Variants in DTNB observed in about 807,000 individuals in gnomAD.
The protein encoded by DTNB is dystrobrevin beta.
DTNB carries 63 observed loss-of-function variants against 90.7 expected under a neutral mutation model. The ratio of observed to expected loss-of-function variants is 0.69; its 90% CI spans 0.57 to 0.86. The LOEUF (loss-of-function observed/expected upper bound fraction) is 0.86, where lower values mean the gene tolerates loss of function less well. DTNB is among the 40% of genes least tolerant of loss of function. The pLI, the probability that DTNB is intolerant of heterozygous loss-of-function variation, is 0.00. For synonymous variants in DTNB, 277 were observed against 286.7 expected (o/e 0.97, Z 0.34); for missense variants, 744 against 807.1 (o/e 0.92, Z 0.95).
intron 14 of DTNB, among the ~76,000 whole-genome samples, 164 bp downstream of exon 14, chr2:25,432,722 C>G (rs964540117): frequency 6.6e-6 from 1 of 152,104 alleles, no homozygotes; most frequent in East Asian, 1.9e-4. Flanking sequence ...CTAATGGAAC[C>G]CAGACATCTG....
chr2:25,597,406 T>C (rs913421444), intron 5 of DTNB, among the ~76,000 whole-genome samples: 5 of 152,138 alleles, frequency 3.3e-5, no homozygotes, highest in African/African-American at 1.2e-4. Context: ...TAGAGATCTA[T>C]ACCTATTTAA....
At chr2:25,591,168 C>T (rs1046448766) in intron 6 of DTNB, among the ~76,000 whole-genome samples, 13 of 152,222 alleles carry the variant, frequency 8.5e-5, no homozygotes, top group African/African-American at 1.4e-4. Context: ...TGCCAGGCAG[C>T]GGGAGCAGAC....
intron 8 of DTNB, among the ~76,000 whole-genome samples, chr2:25,562,403 T>A (rs2058400714): frequency 6.6e-6 from 1 of 152,246 alleles, no homozygotes; most frequent in South Asian, 2.1e-4. Context: ...ACATACAAGT[T>A]TTTGTGGAGA....
chr2:25,494,927 C>T (rs1397899804), intron 9 of DTNB, among the ~76,000 whole-genome samples: 8 of 151,876 alleles, frequency 5.3e-5, no homozygotes, highest in African/African-American at 1.9e-4. Flanking sequence ...AAAAGGGAGG[C>T]TGCAGAACAA....
intron 4 of DTNB, among the ~76,000 whole-genome samples, chr2:25,615,635 G>GCGAT (rs2070160549): frequency 6.6e-6 from 1 of 152,152 alleles, no homozygotes; most frequent in Admixed American, 6.6e-5. Context: ...AACCCGGGCA[G>GCGAT]CGATCAAACG....
In DTNB at chr2:25,485,142, C is replaced by T. The variant is rs191976522; in HGVS notation, c.1002-2269G>A. ...AGACATTTTCACATTGCTTTCAGAA[C>T]TAATACAGTTACCTGCTATATATAT... On this transcript the variant is annotated intron_variant, in intron 9 of 20. Transcript: ENST00000406818. Among the ~76,000 whole-genome samples, 159 of 152,136 alleles carry T rather than the reference C, an allele frequency of 1.0e-3. 2 individuals carry two copies. In the Middle Eastern group the frequency reaches 0.051, roughly 49 times the overall value.
chr2:25,638,396 A>G (rs569066789), intron 3 of DTNB, among the ~76,000 whole-genome samples: 17 of 152,342 alleles, frequency 1.1e-4, no homozygotes, highest in African/African-American at 4.1e-4. Flanking sequence ...AAGGTTTTTC[A>G]ATTCTAAGGT....
rs1260164947 is a variant in DTNB at position 25,634,611 on chromosome 2, G to C, written c.148+4403C>G. ...ATGACAATGGCGGTTTTGTGGAATAGAAAGGGGGGAAAGGTGGGGAAAAGA... is the reference window on the plus strand; with the variant it reads ...ATGACAATGGCGGTTTTGTGGAATACAAAGGGGGGAAAGGTGGGGAAAAGA... On this transcript the variant is annotated intron_variant, in intron 3 of 20. Coordinates refer to ENST00000406818, the MANE Select transcript of DTNB (RefSeq NM_021907.5). Among the ~76,000 whole-genome samples the C allele has an allele frequency of 1.7e-5, 2 of 118,044 alleles. 1 individual carries two copies. Among genetic ancestry groups the C allele is most frequent in the Admixed American group, 1.7e-4 (2 of 11,934 alleles). 77.4% of individuals were successfully genotyped at this position (118,044 alleles called of 152,430 possible).
intron 12 of DTNB, among the ~76,000 whole-genome samples, chr2:25,438,778 T>C (rs763866556): frequency 6.6e-6 from 1 of 152,200 alleles, no homozygotes; most frequent in Admixed American, 6.5e-5. Context: ...TGGAGAAACC[T>C]GACGAACACT....
intron 16 of DTNB, among the ~76,000 whole-genome samples, chr2:25,392,881 C>T (rs146682772): frequency 1.5e-3 from 233 of 152,250 alleles, no homozygotes; most frequent in African/African-American, 1.1e-3. Flanking sequence ...GGGAATCCTG[C>T]GTAAATCATT....
chr2:25,603,625 GA>G lies in DTNB; in HGVS notation c.448+3610del, dbSNP rs2066392782. 4.0e-5 allele frequency among the ~76,000 whole-genome samples: 6 copies of G among 151,076 alleles called. No individual in the cohort carries two copies. In the South Asian group the frequency reaches 1.3e-3, roughly 32 times the overall value. ...AAAGGTAGAGAGGAGAAAATCATAG[GA>G]AAAATTCTAAGAAAGTAAAAAGCAG... On this transcript the variant is annotated intron_variant, in intron 5 of 20. Transcript: ENST00000406818.
At chr2:25,428,198 T>C (rs950955136) in intron 14 of DTNB, among the ~76,000 whole-genome samples, 5 of 152,208 alleles carry the variant, frequency 3.3e-5, no homozygotes, top group Non-Finnish European at 7.3e-5. Flanking sequence ...TTTTTTTCCT[T>C]GTCTCTGTCT....
intron 1 of DTNB, among the ~76,000 whole-genome samples, chr2:25,663,992 CA>C (rs1286350040): frequency 6.6e-6 from 1 of 152,126 alleles, no homozygotes; most frequent in Non-Finnish European, 1.5e-5. Flanking sequence ...TTATGACTGA[CA>C]ATCACTGAAA....
At chr2:25,543,843 A>AT (rs1364284925) in intron 8 of DTNB, among the ~76,000 whole-genome samples, 4 of 152,168 alleles carry the variant, frequency 2.6e-5, no homozygotes, top group Admixed American at 2.6e-4. Context: ...TTGTTAAAGT[A>AT]ACATTTATTG....
intron 16 of DTNB, among the ~76,000 whole-genome samples, chr2:25,397,346 A>AT (rs2042649246): frequency 6.6e-6 from 1 of 151,666 alleles, no homozygotes; most frequent in African/African-American, 2.4e-5. Flanking sequence ...TCAAAAAAAA[A>AT]AAAAAAAAAG....
At chr2:25,619,613 A>C (rs930373916) in intron 4 of DTNB, among the ~76,000 whole-genome samples, 2 of 152,240 alleles carry the variant, frequency 1.3e-5, no homozygotes, top group African/African-American at 2.4e-5. Context: ...CATCCATTCC[A>C]TTTTGAACAC....
intron 20 of DTNB, among the ~76,000 whole-genome samples, chr2:25,378,785 G>A (rs919297299): frequency 3.9e-5 from 6 of 152,220 alleles, no homozygotes; most frequent in African/African-American, 1.2e-4. Flanking sequence ...GGGCACCATG[G>A]GAAGCGGCTT....
At position 25,614,466 on chromosome 2, in the gene DTNB, T is replaced by C. The variant is rs114020133; in HGVS notation, c.363-7145A>G. Reference sequence around the variant, plus strand: ...ACTATAATAAGTGAGTTTAACAACATTGCAGAATGTAAGGTCAACATAAAA... The same window carrying C: ...ACTATAATAAGTGAGTTTAACAACACTGCAGAATGTAAGGTCAACATAAAA... On this transcript the variant is annotated intron_variant, in intron 4 of 20. Transcript: ENST00000406818. Among the ~76,000 whole-genome samples, 842 of 152,320 alleles carry C rather than the reference T, an allele frequency of 5.5e-3. 5 individuals are homozygous for C. The highest frequency in any genetic ancestry group is 0.018 in the African/African-American group (736 of 41,586).
chr2:25,657,396 G>A (rs77639265), intron 1 of DTNB, among the ~76,000 whole-genome samples: 2,873 of 152,262 alleles, frequency 0.019, 40 homozygotes, highest in Non-Finnish European at 0.029. Context: ...TTCAAAACAC[G>A]TATCTGATGA....
Sources: allele counts gnomAD v4.1 joint callset (sites outside exome capture counted in the v4.1 genomes callset), GRCh38; gene constraint gnomAD v4.1.1; transcripts MANE v1.5; gene names NCBI Gene and HGNC (gene_info 2026-07-23, HGNC 2026-07-21).